TMEM131L: variants seen among roughly 807,000 people sequenced by gnomAD.
TMEM131L encodes transmembrane 131 like, also known as transmembrane protein 131-like.
Under a neutral mutation model 192.2 loss-of-function variants are expected in TMEM131L, and 54 were observed. The observed-to-expected ratio is 0.28, with a 90% confidence interval of 0.23 to 0.35. The LOEUF is 0.35. Ranked by LOEUF, TMEM131L falls within the 10% of genes least tolerant of loss-of-function variation. TMEM131L has a pLI of 1.00. For synonymous variants in TMEM131L, 701 were observed against 704.9 expected, an observed-to-expected ratio of 0.99 and a Z score of 0.09; for missense variants, 1,888 against 1,972.9, an observed-to-expected ratio of 0.96 and a Z score of 0.82.
At chr4:153,468,427 T>C (rs1296393983) in intron 2 of TMEM131L, among the ~76,000 whole-genome samples, 2 of 151,180 alleles carry the variant, frequency 1.3e-5, no homozygotes, top group Admixed American at 6.6e-5. Flanking sequence ...TAAAAATTTA[T>C]TCCCAAATGG....
intron 3 of TMEM131L, among the ~76,000 whole-genome samples, chr4:153,478,987 T>A (rs944677143): frequency 3.3e-4 from 50 of 152,206 alleles, no homozygotes; most frequent in Admixed American, 2.7e-3. Flanking sequence ...ACTTTGGACT[T>A]GAGAAATAAT....
At chr4:153,488,179 G>T (rs1347378461) in intron 3 of TMEM131L, among the ~76,000 whole-genome samples, 1 of 151,892 alleles carries the variant, frequency 6.6e-6, no homozygotes, top group Non-Finnish European at 1.5e-5. Context: ...GAGAGACCCT[G>T]TGGGCCTGTG....
At chr4:153,517,341 G>C (rs908248004) in intron 3 of TMEM131L, among the ~76,000 whole-genome samples, 2 of 152,112 alleles carry the variant, frequency 1.3e-5, no homozygotes, top group African/African-American at 4.8e-5. Flanking sequence ...TCCCTCAACT[G>C]CACAGGCACA....
At chr4:153,500,045 C>T (rs1733481806) in intron 3 of TMEM131L, among the ~76,000 whole-genome samples, 1 of 151,958 alleles carries the variant, frequency 6.6e-6, no homozygotes, top group African/African-American at 2.4e-5. Context: ...TCCTTCCTCC[C>T]TTCCTCCCTT....
At chr4:153,542,930 C>T (rs942334829) in intron 3 of TMEM131L, among the ~76,000 whole-genome samples, 2 of 152,124 alleles carry the variant, frequency 1.3e-5, no homozygotes, top group Non-Finnish European at 2.9e-5. Flanking sequence ...AGGTCATCAG[C>T]AATATGAGGG....
Position 153,588,529 on chromosome 4 carries a change from TG to T in TMEM131L, c.1553-359del, listed in dbSNP as rs1002084951. Among the ~76,000 whole-genome samples, 66 of 151,526 alleles carry T rather than the reference TG, an allele frequency of 4.4e-4. 1 individual carries two copies. Among genetic ancestry groups the T allele is most frequent in the African/African-American group, 1.6e-3 (66 of 41,266 alleles). On this transcript the variant is annotated intron_variant, in intron 15 of 34. Coordinates refer to ENST00000409959, the MANE Select transcript of TMEM131L (RefSeq NM_001131007.2). Reference sequence around the variant, plus strand: ...TCCCTCGGCACTCTAGATAGTGACCTGGAAGACTCGTTGATGATTAGCATGT... The same window carrying T: ...TCCCTCGGCACTCTAGATAGTGACCTGAAGACTCGTTGATGATTAGCATGT...
intron 3 of TMEM131L, among the ~76,000 whole-genome samples, chr4:153,528,129 G>A (rs1735630921): frequency 6.6e-6 from 1 of 152,160 alleles, no homozygotes; most frequent in African/African-American, 2.4e-5. Context: ...TATACATTTT[G>A]AAAGCCTCAG....
chr4:153,468,749 C>G (rs1318564346), intron 2 of TMEM131L, among the ~76,000 whole-genome samples: 1 of 152,016 alleles, frequency 6.6e-6, no homozygotes, highest in Non-Finnish European at 1.5e-5. Flanking sequence ...CCCTCTCCCC[C>G]ACCCCCTCCT....
At position 153,583,262 on chromosome 4, in the gene TMEM131L, CT is replaced by C; in HGVS notation, c.951+16del. 7.8e-7 allele frequency: 1 copy of C among 1,289,770 alleles called. No individual in the cohort carries two copies. The highest frequency in any genetic ancestry group is 1.1e-6 in the Non-Finnish European group (1 of 887,082). 79.9% of individuals were successfully genotyped at this position (1,289,770 alleles called of 1,614,324 possible). ...ATATGGATACAGGTAATTGTAAATG[CT>C]TACCTAAAGTAACTTTTAAAATTGC... On this transcript the variant is annotated intron_variant, in intron 10 of 34. Coordinates refer to ENST00000409959, the MANE Select transcript of TMEM131L (RefSeq NM_001131007.2).
chr4:153,495,176 G>A (rs898916633), intron 3 of TMEM131L, among the ~76,000 whole-genome samples: 3 of 152,122 alleles, frequency 2.0e-5, no homozygotes, highest in East Asian at 1.9e-4. Flanking sequence ...TTAGCCGGGC[G>A]TGGTGGTATG....
intron 2 of TMEM131L, among the ~76,000 whole-genome samples, chr4:153,471,154 A>G (rs1276612424): frequency 2.0e-5 from 3 of 151,866 alleles, no homozygotes; most frequent in East Asian, 3.9e-4. Flanking sequence ...TGCCCGGCTA[A>G]TTTTTGTGTT....
chr4:153,625,977 A>G (rs972325454), intron 29 of TMEM131L, among the ~76,000 whole-genome samples, 170 bp from the exon 30 acceptor site: 7 of 152,272 alleles, frequency 4.6e-5, no homozygotes, highest in Admixed American at 2.0e-4. Flanking sequence ...TAATTGTAGT[A>G]TAATTGCACG....
At chr4:153,598,948 A>T (rs1334967507) in intron 21 of TMEM131L, among the ~76,000 whole-genome samples, 1 of 152,218 alleles carries the variant, frequency 6.6e-6, no homozygotes, top group Non-Finnish European at 1.5e-5. Flanking sequence ...TTAGATATTT[A>T]ACTCAACTTA....
chr4:153,625,739 C>T (rs1460371145), intron 29 of TMEM131L, among the ~76,000 whole-genome samples: 1 of 152,100 alleles, frequency 6.6e-6, no homozygotes, highest in East Asian at 1.9e-4. Context: ...AAAACCCCAT[C>T]TCTACTAAAA....
chr4:153,622,110 G>C (rs1175543068), intron 28 of TMEM131L, among the ~76,000 whole-genome samples: 1 of 152,210 alleles, frequency 6.6e-6, no homozygotes, highest in Non-Finnish European at 1.5e-5. Flanking sequence ...CTGAAGGAAT[G>C]ATGCTTGCTT....
At chr4:153,630,318 A>G (rs1374536934) in intron 31 of TMEM131L, among the ~76,000 whole-genome samples, 1 of 152,192 alleles carries the variant, frequency 6.6e-6, no homozygotes, top group Admixed American at 6.5e-5. Flanking sequence ...GGATGAGGCC[A>G]CTTTGCAGTA....
rs1189703906 is a variant in TMEM131L, at chr4:153,588,896, C to G, written c.1559C>G (p.Pro520Arg). 3 of 1,543,808 alleles carry G rather than the reference C, an allele frequency of 1.9e-6. No individual in the cohort carries two copies. The highest frequency in any genetic ancestry group is 1.8e-6 in the Non-Finnish European group (2 of 1,117,038). ...YFMGKSKAGN[P>R]NWNGSLSLDQ... ...AATCTGATCTAACTTTTAGGAAATC[C>G]TAATTGGAATGGGAGCCTTTCTCTG... Residue 520 changes from proline (P) to arginine (R), a missense_variant, in exon 16 of 35, where the codon CCT becomes CGT. Coordinates refer to ENST00000409959, the MANE Select transcript of TMEM131L (RefSeq NM_001131007.2).
At chr4:153,548,631 G>T (rs888961417) in intron 3 of TMEM131L, among the ~76,000 whole-genome samples, 4 of 152,178 alleles carry the variant, frequency 2.6e-5, no homozygotes, top group African/African-American at 9.7e-5. Context: ...TACAGCTGGT[G>T]CTGGAGATAG....
At chr4:153,607,088 A>G (rs1732291733) in intron 25 of TMEM131L, among the ~76,000 whole-genome samples, 1 of 152,216 alleles carries the variant, frequency 6.6e-6, no homozygotes, top group Non-Finnish European at 1.5e-5. Flanking sequence ...ATAAGAAAGG[A>G]CTGAAAAATC....
Sources: gnomAD v4.1 joint callset for allele counts (sites outside exome capture counted in the v4.1 genomes callset) on GRCh38, gnomAD v4.1.1 for gene constraint, MANE v1.5 for transcripts, NCBI Gene and HGNC (gene_info 2026-07-23, HGNC 2026-07-21) for gene names.